FAM228B: variants seen among roughly 807,000 people sequenced by gnomAD.
The protein encoded by FAM228B is protein FAM228B.
In FAM228B, 38 loss-of-function variants were observed where a neutral mutation model predicts 42.6. The observed-to-expected ratio is 0.89, with a 90% CI of 0.69 to 1.17. The LOEUF (loss-of-function observed/expected upper bound fraction) is 1.17. FAM228B is among the 50% of genes most tolerant of loss of function. FAM228B has a pLI of 0.00. For missense variants in FAM228B, 344 were observed against 367.3 expected, an observed-to-expected ratio of 0.94 and a Z score of 0.52; for synonymous variants, 109 against 122.3, an observed-to-expected ratio of 0.89 and a Z score of 0.72.
chr2:24,119,990 C>T (rs1406435362), upstream of FAM228B, among the ~76,000 whole-genome samples: 1 of 152,038 alleles, frequency 6.6e-6, no homozygotes, highest in African/African-American at 2.4e-5. Flanking sequence ...TGATGTAGGC[C>T]GGGTGCAGTG....
chr2:24,079,399 C>T, intron 1 of FAM228B: 1 of 1,597,160 alleles, frequency 6.3e-7, no homozygotes, highest in South Asian at 1.1e-5. Flanking sequence ...ATGAACCACA[C>T]TTTTCTGGGT....
chr2:24,164,734 T>C (rs1402412212), intron 9 of FAM228B, among the ~76,000 whole-genome samples: 2 of 152,182 alleles, frequency 1.3e-5, no homozygotes, highest in Non-Finnish European at 2.9e-5. Flanking sequence ...TTGTTAACCT[T>C]AAGGCAGTCA....
At chr2:24,128,473 C>T (rs1279110081) in intron 2 of FAM228B, among the ~76,000 whole-genome samples, 1 of 152,140 alleles carries the variant, frequency 6.6e-6, no homozygotes, top group Non-Finnish European at 1.5e-5. Flanking sequence ...GGAATAATAA[C>T]TTTTAATGTC....
chr2:24,161,172 G>A (rs188783295), intron 7 of FAM228B, among the ~76,000 whole-genome samples: 41 of 152,292 alleles, frequency 2.7e-4, no homozygotes, highest in African/African-American at 6.7e-4. Context: ...ACCGCCAGGC[G>A]TGGAGGCTCA....
At chr2:24,125,654 G>A (rs531132890) in intron 2 of FAM228B, among the ~76,000 whole-genome samples, 27 of 151,880 alleles carry the variant, frequency 1.8e-4, no homozygotes, top group African/African-American at 6.5e-4. Flanking sequence ...TCTACCTCCC[G>A]GGTTCAAGTG....
chr2:24,144,294 G>A (rs1666837455), intron 5 of FAM228B, among the ~76,000 whole-genome samples: 2 of 152,022 alleles, frequency 1.3e-5, no homozygotes, highest in Admixed American at 6.6e-5. Context: ...TTAAAAACTA[G>A]CTGGACATGG....
chr2:24,094,281 A>T (rs553767668), intron 2 of FAM228B, among the ~76,000 whole-genome samples: 1 of 152,166 alleles, frequency 6.6e-6, no homozygotes. Context: ...CATGTTGCTC[A>T]GGCTGGTCTT....
At chr2:24,148,268 TTCTCTCCATGCTCTTCCC>T (rs1322351527) in intron 7 of FAM228B, among the ~76,000 whole-genome samples, 1 of 152,220 alleles carries the variant, frequency 6.6e-6, no homozygotes, top group Non-Finnish European at 1.5e-5. Flanking sequence ...TGGAGGGGTA[TTCTCTCCATGCTCTTCCC>T]TCTCCCACGG....
intron 7 of FAM228B, among the ~76,000 whole-genome samples, chr2:24,155,418 T>A (rs907186813): frequency 6.7e-6 from 1 of 150,016 alleles, no homozygotes; most frequent in Non-Finnish European, 1.5e-5. Context: ...TGTTTGCGGG[T>A]GACTGGCTTC....
upstream of FAM228B, among the ~76,000 whole-genome samples, chr2:24,120,532 A>T (rs553173464): frequency 5.3e-5 from 8 of 152,198 alleles, no homozygotes; most frequent in East Asian, 1.4e-3. Flanking sequence ...TTCATTCCTT[A>T]TAAGCAACAG....
chr2:24,151,411 C>T (rs1211112773), intron 7 of FAM228B, among the ~76,000 whole-genome samples: 1 of 151,260 alleles, frequency 6.6e-6, no homozygotes, highest in Non-Finnish European at 1.5e-5. Flanking sequence ...ATGCCTCAGC[C>T]TCCTGAGTAG....
intron 7 of FAM228B, among the ~76,000 whole-genome samples, chr2:24,159,006 G>C (rs1159890268): frequency 6.6e-6 from 1 of 152,108 alleles, no homozygotes; most frequent in Non-Finnish European, 1.5e-5. Flanking sequence ...GCAATCCTTG[G>C]TGTTCCTCGG....
chr2:24,076,974 G>A, intron 1 of FAM228B: 1 of 164,118 alleles, frequency 6.1e-6, no homozygotes, highest in Non-Finnish European at 1.3e-5. Flanking sequence ...ACCCAGGTGA[G>A]TAGCGGAAGG....
chr2:24,119,503 G>T, upstream of FAM228B: 1 of 1,079,194 alleles, frequency 9.3e-7, no homozygotes, highest in Non-Finnish European at 1.4e-6. Flanking sequence ...GGTTTGAGTT[G>T]GATCTCTGTT....
exon 1 of FAM228B, chr2:24,076,911 C>A: frequency 1.6e-5 from 2 of 125,618 alleles, no homozygotes; most frequent in South Asian, 3.0e-4. Context: ...GGGGTGGGGC[C>A]CAGGTGAGTA....
At chr2:24,149,490 A>G (rs1666976714) in intron 7 of FAM228B, among the ~76,000 whole-genome samples, 1 of 151,844 alleles carries the variant, frequency 6.6e-6, no homozygotes, top group Non-Finnish European at 1.5e-5. Flanking sequence ...GTCTTGCTTT[A>G]TCGCCCAGGT....
chr2:24,084,293 G>C lies in FAM228B; in HGVS notation c.-210+3338G>C, dbSNP rs778961239. On this transcript the variant is annotated intron_variant, in intron 2 of 10. Transcript: ENST00000613899. The surrounding 1 kb of genome is among the most constrained non-coding windows in gnomAD (Gnocchi z 8.4). ...ACCTCCTTCACGTAGAGGTTTTCCG[G>C]TCCTCCCGGCTTGTCAAAGTGCACG... 3 of 1,614,084 alleles carry C rather than the reference G, an allele frequency of 1.9e-6. No individual in the cohort carries two copies. The highest frequency in any genetic ancestry group is 2.5e-6 in the Non-Finnish European group (3 of 1,180,000).
Position 24,158,215 on chromosome 2 carries a change from C to CTTTTTTTTTTTTTTTA in FAM228B, c.687-3291_687-3290insTTTTTTTTTTTTTTTA, listed in dbSNP as rs1335914110. Among the ~76,000 whole-genome samples the CTTTTTTTTTTTTTTTA allele has an allele frequency of 4.4e-4, 4 of 9,174 alleles. 1 individual carries two copies. Among genetic ancestry groups the CTTTTTTTTTTTTTTTA allele is most frequent in the Non-Finnish European group, 5.6e-4 (3 of 5,310 alleles). 6.0% of individuals were successfully genotyped at this position (9,174 alleles called of 152,430 possible). A position where few individuals can be genotyped will look rare whatever the true frequency, so the allele number is the denominator to read the frequency against. ...AACCTCCTTTTTTTTTTTTTTTTTC[C>CTTTTTTTTTTTTTTTA]AAAACATTGTTCCCAAGACTCTATT... On this transcript the variant is annotated intron_variant, in intron 7 of 10. Coordinates refer to ENST00000615575, the MANE Select transcript of FAM228B (RefSeq NM_001145710.2).
chr2:24,097,082 T>G (rs1665511579), intron 3 of FAM228B: 1 of 152,082 alleles, frequency 6.6e-6, no homozygotes, highest in African/African-American at 2.4e-5. Context: ...TGCTGAGAGA[T>G]TTTGTCACCA....
Sources: gnomAD v4.1 joint callset for allele counts (sites outside exome capture counted in the v4.1 genomes callset) on GRCh38, gnomAD v4.1.1 for gene constraint, Gnocchi (gnomAD v3.1) non-coding constraint, MANE v1.5 for transcripts, NCBI Gene and HGNC (gene_info 2026-07-23, HGNC 2026-07-21) for gene names.